The following SHISA9 variants were observed in gnomAD, a reference collection of about 807,000 sequenced individuals.
SHISA9 encodes the protein protein shisa-9.
A neutral mutation model predicts 38.0 loss-of-function variants in SHISA9; 13 were observed. The observed-to-expected ratio is 0.34, with a 90% CI of 0.22 to 0.54. The LOEUF is 0.54. Among genes scored for constraint, SHISA9 ranks in the 20% least tolerant of loss-of-function variants. SHISA9 has a pLI of 0.91. For missense variants in SHISA9, 538 were observed against 575.8 expected, an observed-to-expected ratio of 0.93 and a Z score of 0.67; for synonymous variants, 275 against 242.0, an observed-to-expected ratio of 1.14 and a Z score of -1.27.
chr16:13,214,686 C>T (rs2051150892), intron 4 of SHISA9, among the ~76,000 whole-genome samples: 1 of 152,170 alleles, frequency 6.6e-6, no homozygotes, highest in Admixed American at 6.5e-5. Context: ...GGAAGTCTCA[C>T]AATCAGGGCA....
chr16:12,941,502 A>G lies in SHISA9; in HGVS notation c.691+24687A>G, dbSNP rs527778049. 2.6e-3 allele frequency among the ~76,000 whole-genome samples: 397 copies of G among 152,356 alleles called. 9 individuals carry two copies. The highest frequency in any genetic ancestry group is 3.9e-3 in the Non-Finnish European group (264 of 68,022). On this transcript the variant is annotated intron_variant, in intron 2 of 4. Transcript: ENST00000558583. ...GAAAATGGGGGTATCCATCCCATCA[A>G]GCATTTATCATTTGTGTTACAAACA... is the stretch of plus-strand genomic sequence containing the variant.
At chr16:13,068,602 A>G (rs1005931059) in intron 2 of SHISA9, among the ~76,000 whole-genome samples, 2 of 152,222 alleles carry the variant, frequency 1.3e-5, no homozygotes, top group African/African-American at 4.8e-5. Context: ...TCCGTAAACA[A>G]ACGTGATTCT....
At chr16:13,344,898 C>A in the SHISA9 span, among the ~76,000 whole-genome samples, 1 of 152,074 alleles carries the variant, frequency 6.6e-6, no homozygotes, top group Non-Finnish European at 1.5e-5. Context: ...CTTCTCTTAG[C>A]AGGAAAGAGC....
chr16:13,513,260 C>G, the SHISA9 span, among the ~76,000 whole-genome samples: 98 of 152,292 alleles, frequency 6.4e-4, no homozygotes, highest in African/African-American at 2.3e-3. Context: ...TGAGAAAAAG[C>G]TCAACATCAC....
chr16:12,924,315 T>C (rs558895904), intron 2 of SHISA9, among the ~76,000 whole-genome samples: 2 of 152,278 alleles, frequency 1.3e-5, no homozygotes, highest in Admixed American at 6.5e-5. Context: ...GTCTAGACAA[T>C]ATGCTGTATT....
chr16:13,395,776 A>T, the SHISA9 span, among the ~76,000 whole-genome samples: 1 of 152,110 alleles, frequency 6.6e-6, no homozygotes, highest in Non-Finnish European at 1.5e-5. Context: ...TGAGTGCTTG[A>T]CTTTTAGGTG....
chr16:13,501,781 C>T, the SHISA9 span, among the ~76,000 whole-genome samples: 1 of 152,010 alleles, frequency 6.6e-6, no homozygotes, highest in African/African-American at 2.4e-5. Context: ...GAGGGTGGAT[C>T]ACCTGAGGTC....
intron 2 of SHISA9, among the ~76,000 whole-genome samples, chr16:13,141,514 A>G (rs1248270120): frequency 3.3e-5 from 5 of 151,920 alleles, no homozygotes; most frequent in African/African-American, 4.8e-5. Flanking sequence ...GTGAAACCCC[A>G]TCTCTACTGA....
chr16:13,392,704 C>A, the SHISA9 span, among the ~76,000 whole-genome samples: 2 of 152,126 alleles, frequency 1.3e-5, no homozygotes, highest in African/African-American at 2.4e-5. Context: ...GTGGAGGCTG[C>A]GATATGACTG....
intron 2 of SHISA9, among the ~76,000 whole-genome samples, chr16:13,013,854 A>C (rs1246479077): frequency 6.6e-6 from 1 of 151,982 alleles, no homozygotes; most frequent in African/African-American, 2.4e-5. Context: ...CAGCCTCCTG[A>C]GTAGCTGGGA....
Position 13,118,998 on chromosome 16 carries a change from C to T in SHISA9, c.692-84396C>T, listed in dbSNP as rs1420270583. Among the ~76,000 whole-genome samples, 8 of 151,834 alleles carry T rather than the reference C, an allele frequency of 5.3e-5. No individual in the cohort carries two copies. The East Asian group carries it at 1.6e-3, about 30-fold the overall frequency. ...CCACTCACCTCGGCCTCCCAAAGTG[C>T]TGGGATTATAGGCATGAGCCACCGT... is the stretch of plus-strand genomic sequence containing the variant. On this transcript the variant is annotated intron_variant, in intron 2 of 4. Transcript: ENST00000558583.
the SHISA9 span, among the ~76,000 whole-genome samples, chr16:13,416,121 T>A: frequency 6.6e-6 from 1 of 152,134 alleles, no homozygotes; most frequent in Non-Finnish European, 1.5e-5. Context: ...TGTAGGTATA[T>A]TCTACATGAA....
chr16:13,285,653 T>TA, the SHISA9 span, among the ~76,000 whole-genome samples: 1 of 152,104 alleles, frequency 6.6e-6, no homozygotes, highest in South Asian at 2.1e-4. Flanking sequence ...CCTTCTTTGT[T>TA]AGAGTTTCTG....
intron 4 of SHISA9, among the ~76,000 whole-genome samples, chr16:13,215,065 A>G (rs1159064931): frequency 6.6e-6 from 1 of 152,086 alleles, no homozygotes; most frequent in African/African-American, 2.4e-5. Flanking sequence ...GTGGGTGGTG[A>G]CCTGCACTGA....
intron 2 of SHISA9, among the ~76,000 whole-genome samples, chr16:13,180,755 G>A (rs1360643274): frequency 1.3e-5 from 2 of 152,082 alleles, no homozygotes; most frequent in Non-Finnish European, 2.9e-5. Flanking sequence ...CTGAAAATGA[G>A]AGACTGAGCC....
chr16:12,985,634 G>A (rs955713821), intron 2 of SHISA9, among the ~76,000 whole-genome samples: 1 of 152,194 alleles, frequency 6.6e-6, no homozygotes, highest in African/African-American at 2.4e-5. Context: ...ATGCTAAGAT[G>A]TCATCATTTG....
chr16:13,138,180 A>G (rs1365881538), intron 2 of SHISA9, among the ~76,000 whole-genome samples: 2 of 152,194 alleles, frequency 1.3e-5, no homozygotes, highest in African/African-American at 4.8e-5. Context: ...TCTGTGGACT[A>G]GCAACAGCAG....
chr16:13,191,938 C>A (rs1052870630), intron 2 of SHISA9, among the ~76,000 whole-genome samples: 13 of 152,066 alleles, frequency 8.5e-5, no homozygotes, highest in Admixed American at 7.9e-4. Flanking sequence ...GTTATGGAAC[C>A]AATGAAGTGG....
the SHISA9 span, among the ~76,000 whole-genome samples, chr16:13,559,795 G>A: frequency 1.3e-5 from 2 of 152,188 alleles, no homozygotes; most frequent in Non-Finnish European, 2.9e-5. Flanking sequence ...TTAGAACAGA[G>A]TGGTTGTTCA....
Sources: allele counts gnomAD v4.1 joint callset (sites outside exome capture counted in the v4.1 genomes callset), GRCh38; gene constraint gnomAD v4.1.1; transcripts MANE v1.5; gene names NCBI Gene and HGNC (gene_info 2026-07-23, HGNC 2026-07-21).